SUCLG2: variants seen among roughly 807,000 people sequenced by gnomAD.
SUCLG2 encodes succinate-CoA ligase GDP-forming subunit beta.
SUCLG2 carries 42 observed loss-of-function variants against 47.9 expected under a neutral mutation model. The ratio of observed to expected loss-of-function variants is 0.88; its 90% CI spans 0.69 to 1.14. The LOEUF (loss-of-function observed/expected upper bound fraction) is 1.14. Ranked by LOEUF, SUCLG2 falls within the 50% of genes most tolerant of loss-of-function variation. SUCLG2 has a pLI of 0.00. For synonymous variants in SUCLG2, 195 were observed against 197.3 expected (o/e 0.99, Z 0.10); for missense variants, 571 against 525.9 (o/e 1.09, Z -0.84).
chr3:67,508,746 A>G (rs932639353), intron 7 of SUCLG2, 61 bp downstream of exon 7: 1 of 1,287,622 alleles, frequency 7.8e-7, no homozygotes, highest in Non-Finnish European at 1.1e-6. Context: ...TGTGCAATTT[A>G]TAGTTTGCAT....
At chr3:67,566,214 A>G (rs922066608) in intron 2 of SUCLG2, among the ~76,000 whole-genome samples, 2 of 152,214 alleles carry the variant, frequency 1.3e-5, no homozygotes, top group African/African-American at 4.8e-5. Context: ...TTGACCTCAC[A>G]AAGTTATATT....
intron 9 of SUCLG2, among the ~76,000 whole-genome samples, chr3:67,479,727 A>T (rs940134300): frequency 6.6e-6 from 1 of 152,252 alleles, no homozygotes; most frequent in Admixed American, 6.5e-5. Flanking sequence ...GACAAAAATG[A>T]ATTAGATCTA....
chr3:67,415,246 G>C (rs1473402380), intron 9 of SUCLG2, among the ~76,000 whole-genome samples: 1 of 152,172 alleles, frequency 6.6e-6, no homozygotes, highest in Non-Finnish European at 1.5e-5. Context: ...AAGCTACACA[G>C]AGAGAGAAAA....
chr3:67,547,541 T>A (rs993405899), intron 2 of SUCLG2, among the ~76,000 whole-genome samples: 1 of 152,096 alleles, frequency 6.6e-6, no homozygotes, highest in East Asian at 1.9e-4. Flanking sequence ...CCCTTTCTCA[T>A]TGCCTCCCAG....
chr3:67,482,321 C>T (rs988314956), intron 9 of SUCLG2, among the ~76,000 whole-genome samples: 26 of 152,154 alleles, frequency 1.7e-4, no homozygotes, highest in Non-Finnish European at 3.4e-4. Context: ...CTTCACTTTC[C>T]GTCCTATACC....
intron 9 of SUCLG2, among the ~76,000 whole-genome samples, chr3:67,420,824 A>G (rs1319655540): frequency 6.6e-6 from 1 of 152,166 alleles, no homozygotes; most frequent in Non-Finnish European, 1.5e-5. Flanking sequence ...TTAATTCTAA[A>G]GAAGGTGCTT....
intron 9 of SUCLG2, among the ~76,000 whole-genome samples, chr3:67,430,995 G>A (rs192937948): frequency 2.9e-4 from 44 of 152,200 alleles, no homozygotes; most frequent in African/African-American, 9.6e-4. Flanking sequence ...AGGACCAGAC[G>A]GATTCACAGC....
intron 9 of SUCLG2, among the ~76,000 whole-genome samples, chr3:67,410,747 A>T (rs1241870011): frequency 6.6e-6 from 1 of 152,162 alleles, no homozygotes; most frequent in African/African-American, 2.4e-5. Flanking sequence ...CAAAAGGCTT[A>T]AAAAAAGAGT....
At chr3:67,648,382 A>G (rs1701227116) in intron 1 of SUCLG2, among the ~76,000 whole-genome samples, 1 of 152,082 alleles carries the variant, frequency 6.6e-6, no homozygotes, top group South Asian at 2.1e-4. Context: ...AGTCCAAATG[A>G]CCAAAGGCGA....
intron 10 of SUCLG2, among the ~76,000 whole-genome samples, chr3:67,362,252 A>G (rs1010831229): frequency 3.9e-5 from 6 of 152,144 alleles, no homozygotes; most frequent in Admixed American, 2.0e-4. Flanking sequence ...ACCCCAGGAC[A>G]GGATCCTTGC....
At chr3:67,458,019 C>T (rs770862334) in intron 9 of SUCLG2, among the ~76,000 whole-genome samples, 6 of 152,096 alleles carry the variant, frequency 3.9e-5, no homozygotes, top group Non-Finnish European at 8.8e-5. Flanking sequence ...CTCTCAGATG[C>T]TTAAGGGCCA....
At chr3:67,424,841 C>T (rs1364721283) in intron 9 of SUCLG2, among the ~76,000 whole-genome samples, 3 of 152,112 alleles carry the variant, frequency 2.0e-5, no homozygotes, top group Non-Finnish European at 4.4e-5. Context: ...GATTTGGCCC[C>T]ATTTTATCTG....
chr3:67,493,425 A>C (rs895578229), intron 9 of SUCLG2, among the ~76,000 whole-genome samples: 3 of 152,222 alleles, frequency 2.0e-5, no homozygotes, highest in African/African-American at 4.8e-5. Flanking sequence ...AGTTGAAATA[A>C]TCCAAGCATT....
intron 4 of SUCLG2, among the ~76,000 whole-genome samples, chr3:67,522,053 T>C (rs923918372): frequency 1.3e-5 from 2 of 152,096 alleles, no homozygotes; most frequent in African/African-American, 4.8e-5. Flanking sequence ...TATCTATTTA[T>C]TTATTTGTTT....
chr3:67,423,950 C>T (rs1284031005), intron 9 of SUCLG2, among the ~76,000 whole-genome samples: 1 of 152,182 alleles, frequency 6.6e-6, no homozygotes, highest in Admixed American at 6.5e-5. Context: ...TTCCCTTCCT[C>T]TTGTTCCACT....
intron 9 of SUCLG2, among the ~76,000 whole-genome samples, chr3:67,412,467 C>T (rs1187929409): frequency 6.6e-6 from 1 of 152,114 alleles, no homozygotes; most frequent in African/African-American, 2.4e-5. Flanking sequence ...TCTCCAGATC[C>T]TCTCCACTCT....
chr3:67,360,552 T>G lies in SUCLG2; in HGVS notation c.*77A>C, dbSNP rs922428152. ...CCATTAGCATGCAGCTGAACCCAAA[T>G]GTAAAAAAATAATTTTGTGATGATA... On this transcript the variant is annotated 3_prime_UTR_variant, in exon 11 of 11. Coordinates refer to the SUCLG2 transcript ENST00000493112. The G allele has an allele frequency of 2.9e-6, 4 of 1,396,270 alleles. No homozygotes were observed. The African/African-American group carries it at 5.8e-5, about 20-fold the overall frequency. The allele number at this position is 1,396,270 out of a possible 1,614,324, so 86.5% of individuals were successfully genotyped here. A position where few individuals can be genotyped will look rare whatever the true frequency, so the allele number is the denominator to read the frequency against.
chr3:67,402,002 G>A (rs1022304931), intron 9 of SUCLG2, among the ~76,000 whole-genome samples: 1 of 152,190 alleles, frequency 6.6e-6, no homozygotes, highest in Non-Finnish European at 1.5e-5. Flanking sequence ...GCCATCGGGC[G>A]CATTGGGGCA....
At chr3:67,567,140 C>T (rs913702793) in intron 2 of SUCLG2, among the ~76,000 whole-genome samples, 2 of 151,362 alleles carry the variant, frequency 1.3e-5, no homozygotes, top group African/African-American at 4.9e-5. Flanking sequence ...GCCAAGATCG[C>T]GCCACTGCAC....
Sources: allele counts gnomAD v4.1 joint callset (sites outside exome capture counted in the v4.1 genomes callset), GRCh38; gene constraint gnomAD v4.1.1; transcripts MANE v1.5; gene names NCBI Gene and HGNC (gene_info 2026-07-23, HGNC 2026-07-21).